TRERF1: variants seen among roughly 807,000 people sequenced by gnomAD.
The protein encoded by TRERF1 is transcriptional regulating factor 1.
In TRERF1, 27 loss-of-function variants were observed where a neutral mutation model predicts 122.9. The ratio of observed to expected loss-of-function variants is 0.22; its 90% confidence interval spans 0.16 to 0.30. TRERF1 has a LOEUF of 0.30. Among genes scored for constraint, TRERF1 ranks in the 10% least tolerant of loss-of-function variants. The pLI, the probability that TRERF1 is intolerant of heterozygous loss-of-function variation, is 1.00. For missense variants in TRERF1, 1,248 were observed against 1,560.3 expected, an observed-to-expected ratio of 0.80 and a Z score of 3.37; for synonymous variants, 636 against 641.7, an observed-to-expected ratio of 0.99 and a Z score of 0.13.
chr6:42,332,314 C>T (rs1246556204), intron 3 of TRERF1, among the ~76,000 whole-genome samples: 2 of 152,258 alleles, frequency 1.3e-5, no homozygotes, highest in African/African-American at 4.8e-5. Context: ...TGAGGTGTAG[C>T]AGGCGGGGCC....
In TRERF1 at chr6:42,259,418, G is replaced by A. The variant is rs763181476; in HGVS notation, c.2190C>T (p.Ser730=). 1.9e-6 allele frequency: 3 copies of A among 1,563,804 alleles called. No individual in the cohort carries two copies. Among genetic ancestry groups the A allele is most frequent in the East Asian group, 2.3e-5 (1 of 44,346 alleles). The change falls in exon 9 of 18, where the codon TCC becomes TCT. Residue 730 remains serine (S), a synonymous_variant. Coordinates refer to ENST00000372922, the Ensembl canonical transcript of TRERF1. The surrounding 1 kb of genome is among the most constrained non-coding windows in gnomAD (Gnocchi z 4.9). ...GCGGGTGGGCGCCAGGGCCGTGGCC[G>A]GAGATGAGGACATTGCTGAAGAGCC...
chr6:42,392,768 T>C (rs542406547), intron 2 of TRERF1, among the ~76,000 whole-genome samples: 33 of 152,272 alleles, frequency 2.2e-4, no homozygotes, highest in Admixed American at 9.2e-4. Flanking sequence ...GAGCTTACAG[T>C]CCAGCTGGGG....
chr6:42,332,194 C>T (rs868413715), intron 3 of TRERF1, among the ~76,000 whole-genome samples: 3 of 152,208 alleles, frequency 2.0e-5, no homozygotes, highest in South Asian at 2.1e-4. Context: ...CCGCCCACCT[C>T]GGCCTCCCAA....
At chr6:42,243,492 G>A (rs1774130786) in intron 14 of TRERF1, 131 bp from the exon 15 acceptor site, 6 of 613,590 alleles carry the variant, frequency 9.8e-6, no homozygotes, top group African/African-American at 1.9e-5. Flanking sequence ...AAATGTACCT[G>A]GTGAAAGGCC....
intron 3 of TRERF1, among the ~76,000 whole-genome samples, chr6:42,333,857 C>T (rs1009151574): frequency 1.3e-5 from 2 of 152,152 alleles, no homozygotes; most frequent in African/African-American, 2.4e-5. Context: ...CGAATCCCAA[C>T]GGCCACATCC....
chr6:42,420,331 G>A (rs1249998171), intron 2 of TRERF1, among the ~76,000 whole-genome samples: 1 of 152,178 alleles, frequency 6.6e-6, no homozygotes, highest in Non-Finnish European at 1.5e-5. Flanking sequence ...GGTCTCTGCA[G>A]GGAGGATGGG....
At chr6:42,244,657 C>T (rs191482433) in intron 14 of TRERF1, among the ~76,000 whole-genome samples, 1 of 152,254 alleles carries the variant, frequency 6.6e-6, no homozygotes, top group East Asian at 1.9e-4. Context: ...ATTTTTTTAA[C>T]CCATAAAGCA....
rs552979045 is a variant in TRERF1, at chr6:42,317,026, A to G, written c.-370-16277T>C. Reference sequence around the variant, plus strand: ...CTACCTGGACCTGGGACTCATGACAACCTGTCCTGTGGCCCCCTAATGTAG... The same window carrying G: ...CTACCTGGACCTGGGACTCATGACAGCCTGTCCTGTGGCCCCCTAATGTAG... On this transcript the variant is annotated intron_variant, in intron 3 of 17. Coordinates refer to ENST00000372922, the Ensembl canonical transcript of TRERF1. Among the ~76,000 whole-genome samples, 5 of 152,276 alleles carry G rather than the reference A, an allele frequency of 3.3e-5. No homozygotes were observed. The East Asian group carries it at 9.7e-4, about 30-fold the overall frequency.
intron 4 of TRERF1, among the ~76,000 whole-genome samples, chr6:42,297,669 T>C (rs1235405688): frequency 6.6e-6 from 1 of 152,240 alleles, no homozygotes; most frequent in Non-Finnish European, 1.5e-5. Context: ...ATTATATTAC[T>C]TGGGTAGCCA....
chr6:42,270,674 G>A (rs1160069058), intron 4 of TRERF1, among the ~76,000 whole-genome samples: 2 of 151,644 alleles, frequency 1.3e-5, no homozygotes, highest in African/African-American at 2.4e-5. Flanking sequence ...GTGATGGCAC[G>A]CACCTGTACC....
At chr6:42,273,745 C>A (rs1470379492) in intron 4 of TRERF1, among the ~76,000 whole-genome samples, 2 of 152,210 alleles carry the variant, frequency 1.3e-5, no homozygotes, top group African/African-American at 4.8e-5. Flanking sequence ...TTAGGCCTGG[C>A]TATTTCAGAA....
intron 2 of TRERF1, among the ~76,000 whole-genome samples, chr6:42,367,271 A>G (rs1338817593): frequency 6.6e-6 from 1 of 152,198 alleles, no homozygotes; most frequent in African/African-American, 2.4e-5. Context: ...AAACAAGCAC[A>G]GAGGCCACAG....
chr6:42,256,537 A>G (rs992628051), intron 12 of TRERF1, among the ~76,000 whole-genome samples, 191 bp downstream of exon 12: 16 of 152,086 alleles, frequency 1.1e-4, no homozygotes, highest in Middle Eastern at 3.2e-3. Context: ...CAGAAATCCA[A>G]TTGGAGATTT....
chr6:42,411,997 A>AT (rs1781162287), intron 2 of TRERF1, among the ~76,000 whole-genome samples: 2 of 116,080 alleles, frequency 1.7e-5, no homozygotes, highest in Non-Finnish European at 3.4e-5. Flanking sequence ...TTTTTAAAAA[A>AT]TCCTTTTTTT....
chr6:42,353,541 T>C lies in TRERF1; in HGVS notation c.-371+9456A>G, dbSNP rs1439201994. Reference sequence around the variant, plus strand: ...AGGTGGAGGCTGCAGTGAACCAATATCGCGCCATTGCACTCTAGCCTGGGC... The same window carrying C: ...AGGTGGAGGCTGCAGTGAACCAATACCGCGCCATTGCACTCTAGCCTGGGC... On this transcript the variant is annotated intron_variant, in intron 3 of 17. Coordinates refer to ENST00000372922, the Ensembl canonical transcript of TRERF1. Among the ~76,000 whole-genome samples, 4 of 151,726 alleles carry C rather than the reference T, an allele frequency of 2.6e-5. No individual in the cohort carries two copies. In the East Asian group the frequency reaches 7.7e-4, roughly 29 times the overall value.
rs540519971 is a variant in TRERF1, at chr6:42,261,080, G to A, written c.1885-1357C>T. On this transcript the variant is annotated intron_variant, in intron 8 of 17. Transcript: ENST00000372922. ...CCCAGGGGACCCTCCTTAGGCCAGC[G>A]CGCTCAACCGCCTCTTTTCTCCACC... is the stretch of plus-strand genomic sequence containing the variant. Among the ~76,000 whole-genome samples the A allele has an allele frequency of 2.0e-5, 3 of 148,586 alleles. No individual in the cohort carries two copies. The East Asian group carries it at 6.4e-4, about 31-fold the overall frequency.
chr6:42,272,845 C>T (rs1780481874), intron 4 of TRERF1, among the ~76,000 whole-genome samples: 1 of 152,110 alleles, frequency 6.6e-6, no homozygotes, highest in African/African-American at 2.4e-5. Flanking sequence ...CCTTTCTGAC[C>T]CCCAAAGATT....
chr6:42,247,579 C>T (rs909305613), intron 13 of TRERF1, among the ~76,000 whole-genome samples: 9 of 152,120 alleles, frequency 5.9e-5, no homozygotes, highest in Non-Finnish European at 1.3e-4. Flanking sequence ...ACAGATTTGC[C>T]GACCGAAGAG....
In TRERF1 at chr6:42,263,348, G is replaced by T; in HGVS notation, c.1856C>A (p.Ser619Ter). 1 of 1,613,008 alleles carries T rather than the reference G, an allele frequency of 6.2e-7. No individual in the cohort carries two copies. The highest frequency in any genetic ancestry group is 8.5e-7 in the Non-Finnish European group (1 of 1,179,586). The change falls in exon 8 of 18, where the codon TCG becomes TAG. Residue 619 changes from serine to a stop codon, truncating the protein, a stop_gained. Transcript: ENST00000372922. LOFTEE classifies it high-confidence loss of function. The surrounding 1 kb of genome is among the most constrained non-coding windows in gnomAD (Gnocchi z 5.6). Reference sequence around the variant, plus strand: ...CACAGGCATCTCGTCGTCCGACATCGAGCTGGCTGGCTTGTCTCTGGCGGA... The same window carrying T: ...CACAGGCATCTCGTCGTCCGACATCTAGCTGGCTGGCTTGTCTCTGGCGGA...
Sources: gnomAD v4.1 joint callset for allele counts (sites outside exome capture counted in the v4.1 genomes callset) on GRCh38, gnomAD v4.1.1 for gene constraint, Gnocchi (gnomAD v3.1) non-coding constraint, MANE v1.5 for transcripts, NCBI Gene and HGNC (gene_info 2026-07-23, HGNC 2026-07-21) for gene names.